The following GOLGA5 variants were observed in gnomAD, a reference collection of about 807,000 sequenced individuals.
GOLGA5 encodes the protein golgin A5.
Under a neutral mutation model 93.5 loss-of-function variants are expected in GOLGA5, and 50 were observed. The observed-to-expected ratio is 0.53, with a 90% CI of 0.43 to 0.68. GOLGA5 has a LOEUF of 0.68. Ranked by LOEUF, GOLGA5 falls within the 30% of genes least tolerant of loss-of-function variation. The pLI is 0.00. For missense variants in GOLGA5, 760 were observed against 856.4 expected (o/e 0.89, Z 1.40); for synonymous variants, 312 against 304.5 (o/e 1.02, Z -0.26).
intron 8 of GOLGA5, among the ~76,000 whole-genome samples, chr14:92,821,942 G>GT (rs1393393119): frequency 6.6e-6 from 1 of 152,182 alleles, no homozygotes; most frequent in Admixed American, 6.5e-5. Flanking sequence ...ATGGCAGATG[G>GT]TTTTACCGTA....
intron 2 of GOLGA5, 89 bp downstream of exon 2, chr14:92,798,070 T>G: frequency 2.3e-6 from 2 of 882,292 alleles, no homozygotes; most frequent in East Asian, 2.4e-5. Context: ...TCTACTGTTA[T>G]GGAATCTGTC....
intron 8 of GOLGA5, among the ~76,000 whole-genome samples, chr14:92,823,437 A>G (rs1885355040): frequency 6.9e-6 from 1 of 144,486 alleles, no homozygotes; most frequent in Non-Finnish European, 1.5e-5. Context: ...TTTTTGAGCC[A>G]TGGTTTCACT....
intron 9 of GOLGA5, among the ~76,000 whole-genome samples, chr14:92,826,613 A>ACT (rs1260076007): frequency 6.6e-6 from 1 of 151,544 alleles, no homozygotes; most frequent in Admixed American, 6.6e-5. Context: ...CAGGAGAATC[A>ACT]CTTGAACCCA....
rs749752269 is a variant in GOLGA5 at position 92,816,469 on chromosome 14, T to G, written c.1491+48T>G. On this transcript the variant is annotated intron_variant, in intron 7 of 12. Coordinates refer to ENST00000163416, the MANE Select transcript of GOLGA5 (RefSeq NM_005113.4). ...TTAGTAGACACCATTTACCCTCAGGTGTTAACAGTTTGAGAGGTGGGGAAA... is the reference window on the plus strand; with the variant it reads ...TTAGTAGACACCATTTACCCTCAGGGGTTAACAGTTTGAGAGGTGGGGAAA... 1.5e-5 allele frequency: 22 copies of G among 1,510,784 alleles called. No homozygotes were observed. The African/African-American group carries it at 2.2e-4, about 15-fold the overall frequency. The allele number at this position is 1,510,784 out of a possible 1,614,324, so 93.6% of individuals were successfully genotyped here. A position where few individuals can be genotyped will look rare whatever the true frequency, so the allele number is the denominator to read the frequency against.
intron 8 of GOLGA5, among the ~76,000 whole-genome samples, chr14:92,823,350 A>C (rs962558681): frequency 1.3e-5 from 2 of 150,808 alleles, no homozygotes; most frequent in African/African-American, 4.9e-5. Flanking sequence ...TTAATTTCTG[A>C]GATTTTATAT....
At chr14:92,833,871 T>G (rs1201875459) in intron 10 of GOLGA5, among the ~76,000 whole-genome samples, 1 of 152,212 alleles carries the variant, frequency 6.6e-6, no homozygotes, top group Non-Finnish European at 1.5e-5. Flanking sequence ...TCTCAGTTCT[T>G]TGGCTTTAAA....
At chr14:92,810,401 C>T in intron 5 of GOLGA5, 24 bp downstream of exon 5, 1 of 1,510,680 alleles carries the variant, frequency 6.6e-7, no homozygotes, top group Non-Finnish European at 8.9e-7. Flanking sequence ...ACAGCAGATT[C>T]CTATTGTTAC....
chr14:92,834,184 C>CTTTTTTTT (rs35449807), intron 10 of GOLGA5, among the ~76,000 whole-genome samples: 6 of 135,100 alleles, frequency 4.4e-5, no homozygotes, highest in Middle Eastern at 4.1e-3. Context: ...TAGGTTTCAC[C>CTTTTTTTT]TTTTTTTTTT....
intron 9 of GOLGA5, among the ~76,000 whole-genome samples, chr14:92,831,228 C>T (rs754379212): frequency 2.0e-4 from 31 of 152,194 alleles, no homozygotes; most frequent in Non-Finnish European, 1.5e-4. Flanking sequence ...GGCTAACGTA[C>T]ATCTAACCTG....
chr14:92,828,960 G>A (rs1167542607), intron 9 of GOLGA5, among the ~76,000 whole-genome samples: 2 of 151,754 alleles, frequency 1.3e-5, no homozygotes, highest in South Asian at 2.1e-4. Context: ...GAGCCACTGC[G>A]CCTAGCCAGT....
At chr14:92,799,422 G>T (rs935540464) in intron 2 of GOLGA5, among the ~76,000 whole-genome samples, 1 of 146,868 alleles carries the variant, frequency 6.8e-6, no homozygotes, top group African/African-American at 2.5e-5. Context: ...GACTACAGGC[G>T]CCTGCCATCA....
intron 6 of GOLGA5, among the ~76,000 whole-genome samples, chr14:92,812,363 T>C (rs1595595509): frequency 6.6e-6 from 1 of 152,202 alleles, no homozygotes; most frequent in South Asian, 2.1e-4. Context: ...CTGCTGCTGC[T>C]GCCTTCTGGC....
chr14:92,798,641 C>T (rs942322008), intron 2 of GOLGA5, among the ~76,000 whole-genome samples: 4 of 152,206 alleles, frequency 2.6e-5, no homozygotes, highest in South Asian at 2.1e-4. Flanking sequence ...ATAGGCTGGG[C>T]GTGGTGGCTT....
chr14:92,824,986 A>G (rs994391897), intron 9 of GOLGA5, among the ~76,000 whole-genome samples: 1 of 152,210 alleles, frequency 6.6e-6, no homozygotes, highest in African/African-American at 2.4e-5. Context: ...CTAATGATAC[A>G]TCTTCCTATT....
At chr14:92,804,435 C>G (rs1236720934) in intron 2 of GOLGA5, among the ~76,000 whole-genome samples, 1 of 151,906 alleles carries the variant, frequency 6.6e-6, no homozygotes, top group East Asian at 1.9e-4. Context: ...TAATGACCTC[C>G]TATTATCCAA....
chr14:92,798,691 A>G (rs548368189), intron 2 of GOLGA5, among the ~76,000 whole-genome samples: 1 of 152,338 alleles, frequency 6.6e-6, no homozygotes, highest in South Asian at 2.1e-4. Context: ...TGAGGCAGGC[A>G]GAGCACTCGT....
At chr14:92,805,849 C>T (rs1884973109) in intron 2 of GOLGA5, among the ~76,000 whole-genome samples, 1 of 151,904 alleles carries the variant, frequency 6.6e-6, no homozygotes, top group Admixed American at 6.6e-5. Flanking sequence ...ATATATAGTT[C>T]ATTTTCATCA....
intron 11 of GOLGA5, 27 bp from the exon 12 acceptor site, chr14:92,837,359 C>G (rs933130660): frequency 8.5e-6 from 10 of 1,175,644 alleles, no homozygotes; most frequent in Non-Finnish European, 1.3e-5. Flanking sequence ...TCTCTCTCCT[C>G]TCCCCCTCAC....
intron 9 of GOLGA5, among the ~76,000 whole-genome samples, chr14:92,831,894 A>G (rs372768465): frequency 2.6e-5 from 4 of 152,318 alleles, no homozygotes; most frequent in African/African-American, 9.6e-5. Context: ...AGTAAGCATC[A>G]TATCCTATGA....
Sources: gnomAD v4.1 joint callset for allele counts (sites outside exome capture counted in the v4.1 genomes callset) on GRCh38, gnomAD v4.1.1 for gene constraint, MANE v1.5 for transcripts, NCBI Gene and HGNC (gene_info 2026-07-23, HGNC 2026-07-21) for gene names.